The following ROBO2 variants were observed in gnomAD, a reference collection of about 807,000 sequenced individuals.
ROBO2 encodes roundabout guidance receptor 2.
ROBO2 carries 53 observed loss-of-function variants against 160.8 expected under a neutral mutation model. The ratio of observed to expected loss-of-function variants is 0.33; its 90% CI spans 0.26 to 0.41. The LOEUF (loss-of-function observed/expected upper bound fraction) is 0.41, where lower values mean the gene tolerates loss of function less well. ROBO2 is among the 10% of genes least tolerant of loss of function. The pLI, the probability that ROBO2 is intolerant of heterozygous loss-of-function variation, is 1.00. For missense variants in ROBO2, 1,577 were observed against 1,722.4 expected, an observed-to-expected ratio of 0.92 and a Z score of 1.49; for synonymous variants, 664 against 611.7, an observed-to-expected ratio of 1.09 and a Z score of -1.26.
chr3:76,229,275 G>A (rs958771088), intron 2 of ROBO2, among the ~76,000 whole-genome samples: 1 of 151,664 alleles, frequency 6.6e-6, no homozygotes, highest in Non-Finnish European at 1.5e-5. Context: ...TACATTATTT[G>A]CAATATTTTA....
intron 2 of ROBO2, among the ~76,000 whole-genome samples, chr3:77,343,244 C>T (rs2067266129): frequency 6.6e-6 from 1 of 152,050 alleles, no homozygotes; most frequent in South Asian, 2.1e-4. Context: ...AGAGCAAGTA[C>T]CTTTGACACA....
intron 2 of ROBO2, among the ~76,000 whole-genome samples, chr3:77,257,779 G>A (rs372860228): frequency 3.7e-4 from 56 of 152,254 alleles, no homozygotes; most frequent in African/African-American, 1.1e-3. Context: ...GATAAGTGGC[G>A]TAATTGAAGA....
chr3:76,818,932 C>G (rs990229507), intron 2 of ROBO2, among the ~76,000 whole-genome samples: 11 of 152,124 alleles, frequency 7.2e-5, no homozygotes, highest in Admixed American at 2.0e-4. Context: ...CTTGCTTTGG[C>G]TATGTGGGCT....
At chr3:76,441,776 G>A (rs549195403) in intron 2 of ROBO2, among the ~76,000 whole-genome samples, 1 of 152,314 alleles carries the variant, frequency 6.6e-6, no homozygotes, top group South Asian at 2.1e-4. Context: ...TTAATAATAA[G>A]AGGAATAACT....
intron 2 of ROBO2, among the ~76,000 whole-genome samples, chr3:77,474,173 G>A (rs762081167): frequency 9.9e-5 from 15 of 152,058 alleles, no homozygotes; most frequent in Non-Finnish European, 1.6e-4. Flanking sequence ...TTAGTCCCAG[G>A]CTATTGTATG....
At chr3:77,103,282 T>C (rs1401596012) in intron 2 of ROBO2, among the ~76,000 whole-genome samples, 1 of 152,202 alleles carries the variant, frequency 6.6e-6, no homozygotes, top group Non-Finnish European at 1.5e-5. Context: ...AGTCCCCAGA[T>C]TATTTTTTCC....
chr3:77,025,077 C>A (rs2062880431), intron 2 of ROBO2, among the ~76,000 whole-genome samples: 1 of 152,034 alleles, frequency 6.6e-6, no homozygotes, highest in Admixed American at 6.6e-5. Flanking sequence ...GACAGGGTGG[C>A]TAGCTCCTCC....
At chr3:76,008,808 A>G (rs2066106353) in intron 2 of ROBO2, among the ~76,000 whole-genome samples, 1 of 152,144 alleles carries the variant, frequency 6.6e-6, no homozygotes, top group Non-Finnish European at 1.5e-5. Context: ...TAACAAGAGA[A>G]AAGCATACGT....
At chr3:75,911,015 G>A (rs1472749275) in intron 1 of ROBO2, among the ~76,000 whole-genome samples, 1 of 151,500 alleles carries the variant, frequency 6.6e-6, no homozygotes, top group African/African-American at 2.4e-5. Context: ...CTATATTGTA[G>A]ATATGGGAGT....
Position 76,150,493 on chromosome 3 carries a change from CTGTCTAAAACACACATT to C in ROBO2, c.109+212907_109+212923del, listed in dbSNP as rs367860547. ...CACATATGTCTAAAGCACACATCATCTGTCTAAAACACACATTTGTCTAAAACACACACCTTGATCCC... is the reference window on the plus strand; with the variant it reads ...CACATATGTCTAAAGCACACATCATCTGTCTAAAACACACACCTTGATCCC... On this transcript the variant is annotated intron_variant, in intron 2 of 26. Coordinates refer to the ROBO2 transcript ENST00000487694. Among the ~76,000 whole-genome samples, 77 of 141,732 alleles carry C rather than the reference CTGTCTAAAACACACATT, an allele frequency of 5.4e-4. 1 individual carries two copies. The East Asian group carries it at 5.8e-3, about 11-fold the overall frequency. The allele number at this position is 141,732 out of a possible 152,430, so 93.0% of individuals were successfully genotyped here. A position where few individuals can be genotyped will look rare whatever the true frequency, so the allele number is the denominator to read the frequency against.
chr3:77,197,028 T>G (rs2082374942), intron 2 of ROBO2, among the ~76,000 whole-genome samples: 1 of 151,782 alleles, frequency 6.6e-6, no homozygotes, highest in South Asian at 2.1e-4. Flanking sequence ...AAATGAATAA[T>G]GCAGACCCTC....
intron 2 of ROBO2, among the ~76,000 whole-genome samples, chr3:77,034,567 G>C (rs748637184): frequency 6.6e-6 from 1 of 151,840 alleles, no homozygotes; most frequent in Non-Finnish European, 1.5e-5. Flanking sequence ...GATTAATTCC[G>C]TGATAGTATT....
chr3:76,171,235 A>C (rs2073026514), intron 2 of ROBO2, among the ~76,000 whole-genome samples: 2 of 152,060 alleles, frequency 1.3e-5, no homozygotes, highest in African/African-American at 4.8e-5. Context: ...TTTCTAATTA[A>C]GTAAGCCCAC....
intron 2 of ROBO2, among the ~76,000 whole-genome samples, chr3:77,304,295 T>C (rs970563756): frequency 1.3e-5 from 2 of 152,160 alleles, no homozygotes; most frequent in Admixed American, 1.3e-4. Context: ...CAAAAAAAGC[T>C]CAGCAGAAGG....
chr3:76,926,575 C>A (rs368745786), intron 2 of ROBO2, among the ~76,000 whole-genome samples: 1 of 152,208 alleles, frequency 6.6e-6, no homozygotes, highest in Non-Finnish European at 1.5e-5. Context: ...GAGCAATTCA[C>A]TTCACTAATG....
At chr3:76,195,281 G>A (rs1228614302) in intron 2 of ROBO2, among the ~76,000 whole-genome samples, 2 of 152,108 alleles carry the variant, frequency 1.3e-5, no homozygotes, top group African/African-American at 4.8e-5. Context: ...ATATAAACAT[G>A]TAGTTAAGCC....
intron 2 of ROBO2, among the ~76,000 whole-genome samples, chr3:76,532,772 T>C (rs1385897841): frequency 1.3e-5 from 2 of 152,170 alleles, no homozygotes; most frequent in Non-Finnish European, 2.9e-5. Context: ...CAGTTCTACA[T>C]TGATAATCCT....
At chr3:76,331,910 C>G (rs34401246) in intron 2 of ROBO2, among the ~76,000 whole-genome samples, 102,885 of 151,724 alleles carry the variant, frequency 0.68, 39,372 homozygotes, top group Non-Finnish European at 0.86. Context: ...TCTCGAACTC[C>G]TGACCTCAGG....
intron 19 of ROBO2, among the ~76,000 whole-genome samples, chr3:77,597,679 C>A (rs2094338518): frequency 1.3e-5 from 2 of 150,722 alleles, no homozygotes; most frequent in Non-Finnish European, 2.9e-5. Flanking sequence ...TAAGTTGATA[C>A]CTGAAGCAAA....
Sources: allele counts gnomAD v4.1 joint callset (sites outside exome capture counted in the v4.1 genomes callset), GRCh38; gene constraint gnomAD v4.1.1; transcripts MANE v1.5; gene names NCBI Gene and HGNC (gene_info 2026-07-23, HGNC 2026-07-21).